The following MCF2L variants were observed in gnomAD, a reference collection of about 807,000 sequenced individuals.
MCF2L encodes MCF.2 cell line derived transforming sequence like, also known as guanine nucleotide exchange factor DBS.
In MCF2L, 97 loss-of-function variants were observed where a neutral mutation model predicts 153.4. The ratio of observed to expected loss-of-function variants is 0.63; its 90% CI spans 0.54 to 0.75. The LOEUF (loss-of-function observed/expected upper bound fraction) is 0.75. Ranked by LOEUF, MCF2L falls within the 30% of genes least tolerant of loss-of-function variation. The pLI is 0.00. For synonymous variants in MCF2L, 659 were observed against 632.2 expected, an observed-to-expected ratio of 1.04 and a Z score of -0.64; for missense variants, 1,347 against 1,495.2, an observed-to-expected ratio of 0.90 and a Z score of 1.64.
At chr13:112,931,907 T>C (rs2081467641) in intron 2 of MCF2L, among the ~76,000 whole-genome samples, 1 of 152,204 alleles carries the variant, frequency 6.6e-6, no homozygotes, top group Admixed American at 6.5e-5. Context: ...CGTTGTATTA[T>C]AACCCCAAGA....
intron 8 of MCF2L, 146 bp from the exon 9 acceptor site, chr13:113,069,913 T>G: frequency 3.9e-6 from 2 of 518,618 alleles, no homozygotes; most frequent in Non-Finnish European, 6.8e-6. Context: ...AGATCCCAGG[T>G]TTAGGTGCAG....
intron 3 of MCF2L, chr13:113,043,218 G>A (rs1463581926): frequency 1.3e-5 from 2 of 152,264 alleles, no homozygotes; most frequent in African/African-American, 2.4e-5. Flanking sequence ...CAGCCCCTTG[G>A]CAGGGGCTCT....
chr13:113,008,558 C>G (rs1261669118), intron 1 of MCF2L, among the ~76,000 whole-genome samples: 1 of 152,242 alleles, frequency 6.6e-6, no homozygotes, highest in African/African-American at 2.4e-5. Flanking sequence ...AAGTGATGCT[C>G]TCTGGATGGG....
At chr13:113,006,068 C>G (rs1372857603) in intron 1 of MCF2L, among the ~76,000 whole-genome samples, 1 of 152,188 alleles carries the variant, frequency 6.6e-6, no homozygotes, top group Admixed American at 6.5e-5. Context: ...GAGGCCGTGC[C>G]CTGCCATGTC....
chr13:113,085,881 C>A (rs112071490), intron 20 of MCF2L, among the ~76,000 whole-genome samples: 558 of 78,862 alleles, frequency 7.1e-3, no homozygotes, highest in Middle Eastern at 0.029. Context: ...ACCTGGCATC[C>A]GGGTGGCAGG....
At chr13:112,937,510 T>A (rs996973279) in intron 2 of MCF2L, among the ~76,000 whole-genome samples, 15 of 152,328 alleles carry the variant, frequency 9.8e-5, no homozygotes, top group African/African-American at 3.1e-4. Flanking sequence ...GAGACTTTAT[T>A]CCAGTGAACA....
At chr13:113,089,817 C>T (rs2035024785) in intron 26 of MCF2L, 89 bp downstream of exon 26, 28 of 1,607,546 alleles carry the variant, frequency 1.7e-5, no homozygotes, top group Non-Finnish European at 2.1e-5. Flanking sequence ...ACCTGCGCTT[C>T]CTGCAGTGTG....
At chr13:113,089,572 A>T in intron 25 of MCF2L, 38 bp from the exon 26 acceptor site, 2 of 1,414,718 alleles carry the variant, frequency 1.4e-6, no homozygotes, top group Non-Finnish European at 2.0e-6. Context: ...TAACCAGGCA[A>T]CACACTATTT....
In MCF2L at chr13:112,983,044, T is replaced by C. The variant is rs2082496564; in HGVS notation, c.79+13586T>C. Reference sequence around the variant, plus strand: ...GTTGGGGAAAGCACTTCCTGATGCCTTTGGGTGTGGAAAGTGGTGGGGGCA... The same window carrying C: ...GTTGGGGAAAGCACTTCCTGATGCCCTTGGGTGTGGAAAGTGGTGGGGGCA... On this transcript the variant is annotated intron_variant, in intron 1 of 29. Transcript: ENST00000535094. The surrounding 1 kb of genome is among the most constrained non-coding windows in gnomAD (Gnocchi z 4.0). Among the ~76,000 whole-genome samples the C allele has an allele frequency of 6.6e-6, 1 of 151,858 alleles. No homozygotes were observed. The highest frequency in any genetic ancestry group is 1.5e-5 in the Non-Finnish European group (1 of 67,948).
intron 2 of MCF2L, among the ~76,000 whole-genome samples, chr13:112,942,337 A>G (rs2081584164): frequency 6.6e-6 from 1 of 152,208 alleles, no homozygotes; most frequent in East Asian, 1.9e-4. Flanking sequence ...CAGGCAGGGA[A>G]GGGCCCCCTG....
chr13:113,095,816 G>A, intron 27 of MCF2L: 2 of 999,138 alleles, frequency 2.0e-6, no homozygotes, highest in Admixed American at 5.3e-5. Context: ...TTCCCCAACG[G>A]AACGTGTTCC....
intron 7 of MCF2L, 50 bp from the exon 8 acceptor site, chr13:113,065,996 C>T (rs773962193): frequency 2.5e-5 from 40 of 1,590,324 alleles, no homozygotes; most frequent in East Asian, 6.8e-5. Flanking sequence ...CACCAGCCTG[C>T]GCTGTGTGCC....
At chr13:112,971,008 G>T (rs917873339) in intron 1 of MCF2L, among the ~76,000 whole-genome samples, 2 of 152,188 alleles carry the variant, frequency 1.3e-5, no homozygotes, top group African/African-American at 4.8e-5. Context: ...GTAGCGTTTA[G>T]TTAGGGGAGG....
intron 3 of MCF2L, among the ~76,000 whole-genome samples, chr13:113,029,307 G>A (rs2085500919): frequency 6.6e-6 from 1 of 152,170 alleles, no homozygotes; most frequent in African/African-American, 2.4e-5. Context: ...GGGACCCCGT[G>A]CCTCCAGGGT....
intron 1 of MCF2L, among the ~76,000 whole-genome samples, chr13:112,973,063 G>A (rs1386527123): frequency 6.6e-6 from 1 of 151,954 alleles, no homozygotes; most frequent in Non-Finnish European, 1.5e-5. Flanking sequence ...ACGCGCCCAG[G>A]AGGCAGGGGC....
At chr13:113,079,972 TCTGA>T (rs1318972859) in intron 15 of MCF2L, among the ~76,000 whole-genome samples, 1 of 138,470 alleles carries the variant, frequency 7.2e-6, no homozygotes, top group East Asian at 2.2e-4. Flanking sequence ...CAGAGGAACG[TCTGA>T]ATGGAGGAGG....
At chr13:113,060,491 T>C (rs1484324501) in intron 4 of MCF2L, 102 bp from the exon 5 acceptor site, 1 of 1,435,712 alleles carries the variant, frequency 7.0e-7, no homozygotes, top group East Asian at 2.3e-5. Flanking sequence ...GCCTGGCCGC[T>C]AGCTGCGCGC....
chr13:113,024,852 G>T, intron 3 of MCF2L, 94 bp downstream of exon 3: 1 of 959,140 alleles, frequency 1.0e-6, no homozygotes, highest in South Asian at 1.4e-5. Flanking sequence ...ATGGGATGAG[G>T]CAGAGTCCCT....
At chr13:112,979,379 T>C in intron 1 of MCF2L, 1 of 1,344,554 alleles carries the variant, frequency 7.4e-7, no homozygotes, top group Non-Finnish European at 9.5e-7. Context: ...GTCTGCCTGC[T>C]CTTCCAGGCG....
Sources: allele counts gnomAD v4.1 joint callset (sites outside exome capture counted in the v4.1 genomes callset), GRCh38; gene constraint gnomAD v4.1.1; non-coding constraint Gnocchi (gnomAD v3.1); transcripts MANE v1.5; gene names NCBI Gene and HGNC (gene_info 2026-07-23, HGNC 2026-07-21).